Variants in FLT1 observed in about 807,000 individuals in gnomAD.
FLT1 encodes the protein fms related receptor tyrosine kinase 1.
A neutral mutation model predicts 156.3 loss-of-function variants in FLT1; 49 were observed. The observed-to-expected ratio is 0.31, with a 90% CI of 0.25 to 0.40. The LOEUF is 0.40. FLT1 is among the 10% of genes least tolerant of loss of function. The pLI, the probability that FLT1 is intolerant of heterozygous loss-of-function variation, is 1.00. For missense variants in FLT1, 1,322 were observed against 1,637.2 expected, an observed-to-expected ratio of 0.81 and a Z score of 3.32; for synonymous variants, 594 against 583.8, an observed-to-expected ratio of 1.02 and a Z score of -0.25.
intron 3 of FLT1, among the ~76,000 whole-genome samples, chr13:28,450,683 C>A (rs1878881622): frequency 6.6e-6 from 1 of 152,190 alleles, no homozygotes; most frequent in East Asian, 1.9e-4. Context: ...TTATTCCCAG[C>A]TCTGCCTCTG....
At chr13:28,488,843 G>A (rs1881320779) in intron 1 of FLT1, among the ~76,000 whole-genome samples, 1 of 152,220 alleles carries the variant, frequency 6.6e-6, no homozygotes, top group African/African-American at 2.4e-5. Context: ...TTCTGACTGT[G>A]GCCAGACCTC....
Position 28,429,900 on chromosome 13 carries a change from C to T in FLT1, c.1106+150G>A, listed in dbSNP as rs1877572019. The T allele has an allele frequency of 5.5e-6, 4 of 726,830 alleles. No individual in the cohort carries two copies. In the East Asian group the frequency reaches 7.4e-5, roughly 13 times the overall value. 45.0% of individuals were successfully genotyped at this position (726,830 alleles called of 1,614,324 possible). On this transcript the variant is annotated intron_variant, in intron 8 of 29. Coordinates refer to ENST00000282397, the MANE Select transcript of FLT1 (RefSeq NM_002019.4). ...TTTTCCCCAGCCCTTCTCACCTCCA[C>T]CACCCAAGAATCTACAGAGTTCTGA...
At chr13:28,471,457 G>C (rs1283789373) in intron 1 of FLT1, among the ~76,000 whole-genome samples, 1 of 152,314 alleles carries the variant, frequency 6.6e-6, no homozygotes, top group South Asian at 2.1e-4. Context: ...TCATGTCCAT[G>C]TACCTATCTG....
intron 3 of FLT1, among the ~76,000 whole-genome samples, chr13:28,448,700 A>C (rs1034199769): frequency 6.6e-6 from 1 of 152,230 alleles, no homozygotes; most frequent in African/African-American, 2.4e-5. Flanking sequence ...ATATCTGTCA[A>C]TATGCTACAA....
intron 3 of FLT1, among the ~76,000 whole-genome samples, chr13:28,457,109 G>A (rs978233528): frequency 1.1e-4 from 17 of 151,916 alleles, no homozygotes; most frequent in Admixed American, 3.3e-4. Flanking sequence ...GGGGTATATA[G>A]GAAATCTCTG....
In FLT1 at chr13:28,433,744, A is replaced by G. The variant is rs535194586; in HGVS notation, c.813+75T>C. 1.7e-4 allele frequency: 240 copies of G among 1,428,592 alleles called. 3 individuals are homozygous for G. The South Asian group carries it at 2.6e-3, about 16-fold the overall frequency. 88.5% of individuals were successfully genotyped at this position (1,428,592 alleles called of 1,614,324 possible). ...GAGTCAGGATTTTCTGATTTTTCCC[A>G]TCTCAAAACCCCTGCGGGATTTCAC... On this transcript the variant is annotated intron_variant, in intron 6 of 29. Coordinates refer to ENST00000282397, the MANE Select transcript of FLT1 (RefSeq NM_002019.4).
chr13:28,432,423 A>C (rs947088842), intron 6 of FLT1, among the ~76,000 whole-genome samples: 56 of 152,322 alleles, frequency 3.7e-4, no homozygotes, highest in African/African-American at 1.3e-3. Context: ...CTAACGTAAC[A>C]GACTGAGGGA....
At chr13:28,373,039 T>C (rs1565991086) in intron 14 of FLT1, among the ~76,000 whole-genome samples, 1 of 152,280 alleles carries the variant, frequency 6.6e-6, no homozygotes, top group South Asian at 2.1e-4. Context: ...ATATTGACTA[T>C]GTTAGAATGA....
At chr13:28,411,110 G>A (rs1157284099) in intron 10 of FLT1, among the ~76,000 whole-genome samples, 1 of 152,068 alleles carries the variant, frequency 6.6e-6, no homozygotes, top group Non-Finnish European at 1.5e-5. Context: ...CCTGTCTATC[G>A]GTGGACAAGG....
chr13:28,434,357 T>C, intron 4 of FLT1, 137 bp from the exon 5 acceptor site: 1 of 806,568 alleles, frequency 1.2e-6, no homozygotes, highest in Non-Finnish European at 2.0e-6. Context: ...TATAACAAAC[T>C]AGGTTAAAAA....
intron 3 of FLT1, among the ~76,000 whole-genome samples, chr13:28,455,187 T>A (rs1484924999): frequency 1.3e-5 from 2 of 152,144 alleles, no homozygotes; most frequent in Non-Finnish European, 2.9e-5. Flanking sequence ...AGACCCAGAA[T>A]AGCCAATATA....
intron 11 of FLT1, among the ~76,000 whole-genome samples, chr13:28,398,700 T>G (rs1875222583): frequency 6.6e-6 from 1 of 152,190 alleles, no homozygotes; most frequent in East Asian, 1.9e-4. Context: ...AATGAAAGTG[T>G]CTGCAATATG....
chr13:28,354,801 A>C (rs539384339), intron 15 of FLT1, among the ~76,000 whole-genome samples: 1 of 152,202 alleles, frequency 6.6e-6, no homozygotes, highest in Admixed American at 6.5e-5. Context: ...AAAATAATGG[A>C]ATATATAAAT....
intron 3 of FLT1, among the ~76,000 whole-genome samples, chr13:28,462,265 A>G (rs1211492810): frequency 1.3e-5 from 2 of 152,196 alleles, no homozygotes; most frequent in Admixed American, 6.5e-5. Flanking sequence ...GTCATAACTC[A>G]TATATTACAA....
chr13:28,408,928 T>G (rs1875975888), intron 10 of FLT1, among the ~76,000 whole-genome samples: 1 of 152,204 alleles, frequency 6.6e-6, no homozygotes, highest in South Asian at 2.1e-4. Context: ...AAGAGTGTAC[T>G]CCATGTCATC....
intron 13 of FLT1, chr13:28,387,804 T>C: frequency 1.1e-6 from 1 of 940,394 alleles, no homozygotes; most frequent in African/African-American, 2.7e-5. Context: ...CCCAAAAGTT[T>C]CTTTAAAAAA....
intron 14 of FLT1, among the ~76,000 whole-genome samples, chr13:28,377,520 T>C (rs965889387): frequency 1.3e-5 from 2 of 152,024 alleles, no homozygotes; most frequent in Non-Finnish European, 2.9e-5. Context: ...ACACACAGGG[T>C]TGTTGCTTGA....
chr13:28,470,573 C>G (rs2137630068), intron 1 of FLT1, among the ~76,000 whole-genome samples: 1 of 152,270 alleles, frequency 6.6e-6, no homozygotes, highest in South Asian at 2.1e-4. Context: ...GTTTCCAGAC[C>G]ACATGAATCT....
intron 28 of FLT1, among the ~76,000 whole-genome samples, chr13:28,307,975 T>C (rs939302643): frequency 9.9e-5 from 15 of 152,208 alleles, no homozygotes; most frequent in Non-Finnish European, 2.2e-4. Context: ...GGTTTCACCA[T>C]GTTAGCCAGG....
Sources: allele counts gnomAD v4.1 joint callset (sites outside exome capture counted in the v4.1 genomes callset), GRCh38; gene constraint gnomAD v4.1.1; transcripts MANE v1.5; gene names NCBI Gene and HGNC (gene_info 2026-07-23, HGNC 2026-07-21).